Variants in DIP2C observed in about 807,000 individuals in gnomAD.
DIP2C encodes the protein disco-interacting protein 2 homolog C.
In DIP2C, 33 loss-of-function variants were observed where a neutral mutation model predicts 192.4. The observed-to-expected ratio is 0.17, with a 90% confidence interval of 0.13 to 0.23. DIP2C has a LOEUF of 0.23. Among genes scored for constraint, DIP2C ranks in the 10% least tolerant of loss-of-function variants. The pLI, the probability that DIP2C is intolerant of heterozygous loss-of-function variation, is 1.00. For missense variants in DIP2C, 1,537 were observed against 2,110.1 expected (o/e 0.73, Z 5.32); for synonymous variants, 979 against 864.1 (o/e 1.13, Z -2.33).
At position 446,306 on chromosome 10, in the gene DIP2C, G is replaced by A. The variant is rs138184396; in HGVS notation, c.269-5310C>T. 3.7e-3 allele frequency among the ~76,000 whole-genome samples: 565 copies of A among 151,416 alleles called. 2 individuals are homozygous for A. The highest frequency in any genetic ancestry group is 0.013 in the African/African-American group (543 of 41,088). ...CTGGGCATCTATATACATCTGTTGCGAAGAGTCTATCTTCCACTGGACATC... is the reference window on the plus strand; with the variant it reads ...CTGGGCATCTATATACATCTGTTGCAAAGAGTCTATCTTCCACTGGACATC... On this transcript the variant is annotated intron_variant, in intron 3 of 36. Transcript: ENST00000280886.
chr10:588,222 C>G (rs1851190932), intron 1 of DIP2C, among the ~76,000 whole-genome samples: 3 of 150,564 alleles, frequency 2.0e-5, no homozygotes, highest in Admixed American at 6.6e-5. Flanking sequence ...CAGCCCTGAC[C>G]CTGCGGAAAC....
chr10:471,320 A>G (rs1446843682), intron 3 of DIP2C, among the ~76,000 whole-genome samples: 1 of 152,162 alleles, frequency 6.6e-6, no homozygotes, highest in Non-Finnish European at 1.5e-5. Context: ...GCAGACGGCA[A>G]CTGAGGATGC....
At chr10:438,957 G>A (rs1164065596) in intron 4 of DIP2C, among the ~76,000 whole-genome samples, 1 of 140,510 alleles carries the variant, frequency 7.1e-6, no homozygotes, top group Non-Finnish European at 1.6e-5. Context: ...AAGTAGCTGG[G>A]ACTACAGGTG....
chr10:654,258 A>G (rs1856138340), intron 1 of DIP2C, among the ~76,000 whole-genome samples: 2 of 152,216 alleles, frequency 1.3e-5, no homozygotes, highest in African/African-American at 4.8e-5. Flanking sequence ...TTCTGACAAC[A>G]AAGTCAAGGT....
At chr10:612,055 G>T (rs1009802853) in intron 1 of DIP2C, among the ~76,000 whole-genome samples, 1 of 152,080 alleles carries the variant, frequency 6.6e-6, no homozygotes, top group Non-Finnish European at 1.5e-5. Flanking sequence ...CAGCACTTTG[G>T]GAGGCCAAGG....
At chr10:476,312 G>A (rs969518678) in intron 2 of DIP2C, among the ~76,000 whole-genome samples, 13 of 152,142 alleles carry the variant, frequency 8.5e-5, no homozygotes, top group South Asian at 8.3e-4. Flanking sequence ...CCGGTCCTCC[G>A]GGGACGGGAG....
chr10:353,648 G>A (rs1486503699), intron 24 of DIP2C, among the ~76,000 whole-genome samples: 1 of 152,140 alleles, frequency 6.6e-6, no homozygotes, highest in African/African-American at 2.4e-5. Context: ...CAAAGTGCTG[G>A]GATTGCAGGC....
intron 3 of DIP2C, among the ~76,000 whole-genome samples, chr10:444,178 A>T (rs1458271010): frequency 6.7e-6 from 1 of 150,242 alleles, no homozygotes; most frequent in Non-Finnish European, 1.5e-5. Context: ...ATTCATGAGG[A>T]GTGTTCCTTG....
At chr10:633,885 T>C (rs1854677444) in intron 1 of DIP2C, among the ~76,000 whole-genome samples, 2 of 152,188 alleles carry the variant, frequency 1.3e-5, no homozygotes, top group Admixed American at 6.5e-5. Context: ...TCTGAATAAA[T>C]GCAGGAAAAT....
rs59721670 is a variant in DIP2C at position 565,354 on chromosome 10, T to TAAAAAAAAAAAAAAAAA, written c.86-78841_86-78825dup. Among the ~76,000 whole-genome samples, 232 of 113,978 alleles carry TAAAAAAAAAAAAAAAAA rather than the reference T, an allele frequency of 2.0e-3. 5 individuals carry two copies. The highest frequency in any genetic ancestry group is 5.5e-3 in the African/African-American group (146 of 26,606). The allele number at this position is 113,978 out of a possible 152,430, so 74.8% of individuals were successfully genotyped here. Reference sequence around the variant, plus strand: ...AAAATATGAAACAGTACCTGCATTCTAAAAAAAAAAAAAAAAAGACCTAGA... The same window carrying TAAAAAAAAAAAAAAAAA: ...AAAATATGAAACAGTACCTGCATTCTAAAAAAAAAAAAAAAAAAAAAAAAAAAAAAAAAAGACCTAGA... On this transcript the variant is annotated intron_variant, in intron 1 of 36. Coordinates refer to ENST00000280886, the MANE Select transcript of DIP2C (RefSeq NM_014974.3).
intron 3 of DIP2C, among the ~76,000 whole-genome samples, chr10:467,670 G>A (rs1190737536): frequency 1.3e-5 from 2 of 150,968 alleles, no homozygotes; most frequent in Non-Finnish European, 2.9e-5. Flanking sequence ...GGATGAAGCT[G>A]GAAGCCATCA....
chr10:379,154 C>T (rs1405233841), intron 17 of DIP2C, among the ~76,000 whole-genome samples: 1 of 148,074 alleles, frequency 6.8e-6, no homozygotes, highest in Non-Finnish European at 1.5e-5. Flanking sequence ...ACATACCCAT[C>T]GCCAGGGCTG....
intron 22 of DIP2C, among the ~76,000 whole-genome samples, chr10:359,757 C>T (rs1441087165): frequency 6.6e-6 from 1 of 152,196 alleles, no homozygotes; most frequent in Non-Finnish European, 1.5e-5. Context: ...TCTATCTCTA[C>T]CAGATAGAAG....
intron 9 of DIP2C, among the ~76,000 whole-genome samples, chr10:406,668 C>CTT (rs1964827354): frequency 6.6e-6 from 1 of 152,142 alleles, no homozygotes; most frequent in African/African-American, 2.4e-5. Context: ...GAAATTACCC[C>CTT]TTTCTTGCTT....
At chr10:346,265 A>C (rs1249209996) in intron 26 of DIP2C, among the ~76,000 whole-genome samples, 1 of 39,180 alleles carries the variant, frequency 2.6e-5, no homozygotes, top group African/African-American at 1.1e-4. Context: ...CGTCACACAC[A>C]CCCAACCCAG....
At chr10:427,278 T>G (rs1966654425) in intron 4 of DIP2C, among the ~76,000 whole-genome samples, 1 of 152,240 alleles carries the variant, frequency 6.6e-6, no homozygotes, top group Non-Finnish European at 1.5e-5. Context: ...TCTCCAATTC[T>G]TCCTTTTCTC....
intron 1 of DIP2C, among the ~76,000 whole-genome samples, chr10:680,897 A>G (rs1486309897): frequency 6.6e-6 from 1 of 152,048 alleles, no homozygotes; most frequent in Non-Finnish European, 1.5e-5. Context: ...ATTCCAGGGA[A>G]TGCAGACCCC....
chr10:453,426 A>C (rs949330536), intron 3 of DIP2C, among the ~76,000 whole-genome samples: 3 of 152,244 alleles, frequency 2.0e-5, no homozygotes, highest in African/African-American at 7.2e-5. Context: ...ATACAGTGTC[A>C]AAGACTCCAG....
intron 1 of DIP2C, among the ~76,000 whole-genome samples, chr10:608,145 C>A (rs1246785351): frequency 3.8e-5 from 3 of 78,994 alleles, no homozygotes; most frequent in Admixed American, 2.5e-4. Flanking sequence ...ACACACAGCC[C>A]CCCCACACAC....
Sources: gnomAD v4.1 joint callset for allele counts (sites outside exome capture counted in the v4.1 genomes callset) on GRCh38, gnomAD v4.1.1 for gene constraint, MANE v1.5 for transcripts, NCBI Gene and HGNC (gene_info 2026-07-23, HGNC 2026-07-21) for gene names.